NDC80: variants seen among roughly 807,000 people sequenced by gnomAD.
The protein encoded by NDC80 is kinetochore protein NDC80 homolog.
A neutral mutation model predicts 89.3 loss-of-function variants in NDC80; 69 were observed. The observed-to-expected ratio is 0.77, with a 90% confidence interval of 0.64 to 0.94. The LOEUF is 0.94. NDC80 is among the 40% of genes least tolerant of loss of function. NDC80 has a pLI of 0.00. For missense variants in NDC80, 593 were observed against 739.6 expected (o/e 0.80, Z 2.30); for synonymous variants, 243 against 255.6 (o/e 0.95, Z 0.47).
intron 11 of NDC80, among the ~76,000 whole-genome samples, chr18:2,596,481 A>G (rs1218293671): frequency 6.6e-6 from 1 of 151,032 alleles, no homozygotes; most frequent in Non-Finnish European, 1.5e-5. Flanking sequence ...ATGAGATACC[A>G]TCTCACACCA....
At chr18:2,584,274 T>G (rs2072592959) in intron 6 of NDC80, among the ~76,000 whole-genome samples, 1 of 141,486 alleles carries the variant, frequency 7.1e-6, no homozygotes, top group Non-Finnish European at 1.5e-5. Context: ...GGTGACAAAG[T>G]GAGACTCCGT....
In NDC80 at chr18:2,585,186, G is replaced by A. The variant is rs929888096; in HGVS notation, c.653G>A (p.Gly218Glu). 17 of 1,611,444 alleles carry A rather than the reference G, an allele frequency of 1.1e-5. No individual in the cohort carries two copies. The highest frequency in any genetic ancestry group is 1.7e-5 in the Admixed American group (1 of 59,996). ...CCTTGGGGAGAAGAAACTGAAGATG[G>A]AATTATGCATAATAAGGTACCATGT... Reference protein sequence around the residue: ...GQPWGEETEDGIMHNKLFLDY... With the variant: ...GQPWGEETEDEIMHNKLFLDY... Residue 218 changes from glycine to glutamate, a missense_variant, in exon 7 of 17, where the codon GGA (glycine) becomes GAA (glutamate). Gly to Glu is a moderately conservative substitution (Grantham distance 98). Transcript: ENST00000261597.
intron 16 of NDC80, among the ~76,000 whole-genome samples, chr18:2,613,981 GA>G (rs2072758367): frequency 6.6e-6 from 1 of 152,096 alleles, no homozygotes. Context: ...TTTCACAAAA[GA>G]ACCAAGGTGG....
chr18:2,606,255 G>C (rs1018674344), intron 13 of NDC80, among the ~76,000 whole-genome samples, 160 bp from the exon 14 acceptor site: 5 of 151,892 alleles, frequency 3.3e-5, no homozygotes, highest in African/African-American at 1.2e-4. Flanking sequence ...TCTCTTTGGA[G>C]AATAATAAAG....
chr18:2,576,631 G>A (rs2072547519), intron 3 of NDC80, among the ~76,000 whole-genome samples: 1 of 152,158 alleles, frequency 6.6e-6, no homozygotes, highest in African/African-American at 2.4e-5. Flanking sequence ...GGTTGTCTAG[G>A]CTGCAGGTTG....
intron 12 of NDC80, 132 bp downstream of exon 12, chr18:2,599,303 C>A: frequency 2.9e-6 from 2 of 683,938 alleles, no homozygotes; most frequent in Admixed American, 3.9e-5. Flanking sequence ...CTTCTTTCTT[C>A]TCGGTCATAG....
In NDC80 at chr18:2,580,731, A is replaced by ATTTTTTTTTTTTTTTTTTTT. The variant is rs71365186; in HGVS notation, c.579+1712_579+1731dup. ...ACTACTTTTTTGGTCTCACCATCAG[A>ATTTTTTTTTTTTTTTTTTTT]TTTTTTTTTTTTTTTTTTTTTTTTT... On this transcript the variant is annotated intron_variant, in intron 6 of 16. Coordinates refer to ENST00000261597, the MANE Select transcript of NDC80 (RefSeq NM_006101.3). Among the ~76,000 whole-genome samples the ATTTTTTTTTTTTTTTTTTTT allele has an allele frequency of 9.6e-4, 53 of 55,452 alleles. 18 individuals are homozygous for ATTTTTTTTTTTTTTTTTTTT. Among genetic ancestry groups the ATTTTTTTTTTTTTTTTTTTT allele is most frequent in the Admixed American group, 3.1e-3 (8 of 2,622 alleles). The allele number at this position is 55,452 out of a possible 152,430, so 36.4% of individuals were successfully genotyped here. A position where few individuals can be genotyped will look rare whatever the true frequency, so the allele number is the denominator to read the frequency against.
chr18:2,580,482 A>G (rs982554753), intron 6 of NDC80, among the ~76,000 whole-genome samples: 1 of 152,014 alleles, frequency 6.6e-6, no homozygotes, highest in Non-Finnish European at 1.5e-5. Context: ...TTCCCCTGAC[A>G]TTGTCTTGGC....
intron 13 of NDC80, among the ~76,000 whole-genome samples, chr18:2,604,935 T>C (rs1335027487): frequency 1.3e-5 from 2 of 152,102 alleles, no homozygotes; most frequent in Non-Finnish European, 2.9e-5. Flanking sequence ...GACGAGACCA[T>C]GCAATTAAGA....
rs76369853 is a variant in NDC80 at position 2,583,990 on chromosome 18, T to C, written c.580-1123T>C. 3.4e-3 allele frequency among the ~76,000 whole-genome samples: 512 copies of C among 152,234 alleles called. 3 individuals are homozygous for C. Among genetic ancestry groups the C allele is most frequent in the African/African-American group, 0.012 (488 of 41,528 alleles). ...AGTGTTCATTATACTATTAGATACC[T>C]ATTGATATCTTGGCCAGGTGCAGTG... On this transcript the variant is annotated intron_variant, in intron 6 of 16. Coordinates refer to ENST00000261597, the MANE Select transcript of NDC80 (RefSeq NM_006101.3).
chr18:2,590,178 G>T lies in NDC80; in HGVS notation c.1015+16G>T. ...GCTAGAGTAGGTAAGCAGAGCTAAT[G>T]CTAAAAGACTGGGATGCGAACCTGT... On this transcript the variant is annotated intron_variant, in intron 10 of 16. Coordinates refer to ENST00000261597, the MANE Select transcript of NDC80 (RefSeq NM_006101.3). The T allele has an allele frequency of 6.4e-7, 1 of 1,557,196 alleles. No individual in the cohort carries two copies. Among genetic ancestry groups the T allele is most frequent in the South Asian group, 1.2e-5 (1 of 81,236 alleles).
At chr18:2,574,836 A>G (rs962398321) in intron 2 of NDC80, among the ~76,000 whole-genome samples, 153 bp from the exon 3 acceptor site, 1 of 152,246 alleles carries the variant, frequency 6.6e-6, no homozygotes, top group Non-Finnish European at 1.5e-5. Flanking sequence ...CATCCTATTT[A>G]TAACAGCTTT....
At chr18:2,592,934 T>C (rs2072634507) in intron 10 of NDC80, among the ~76,000 whole-genome samples, 1 of 151,046 alleles carries the variant, frequency 6.6e-6, no homozygotes, top group Non-Finnish European at 1.5e-5. Context: ...AAAACACTAT[T>C]GGTAAACAGA....
At chr18:2,594,453 G>C (rs537228188) in intron 10 of NDC80, 251 of 161,786 alleles carry the variant, frequency 1.6e-3, no homozygotes, top group Non-Finnish European at 2.1e-4. Context: ...CAAAATTTTG[G>C]CCATTGTTTC....
At chr18:2,601,722 C>CT (rs1488373199) in intron 13 of NDC80, among the ~76,000 whole-genome samples, 1 of 151,840 alleles carries the variant, frequency 6.6e-6, no homozygotes, top group African/African-American at 2.4e-5. Context: ...GTAAATTTTC[C>CT]TTTTTTTAAT....
chr18:2,574,389 A>G (rs2072534970), intron 2 of NDC80, among the ~76,000 whole-genome samples: 1 of 152,164 alleles, frequency 6.6e-6, no homozygotes, highest in Non-Finnish European at 1.5e-5. Flanking sequence ...CAAAGAAATG[A>G]TAAATGTTTG....
At chr18:2,588,946 G>A (rs2072614282) in intron 8 of NDC80, among the ~76,000 whole-genome samples, 3 of 152,108 alleles carry the variant, frequency 2.0e-5, no homozygotes, top group Admixed American at 6.6e-5. Flanking sequence ...TAGACAGAAA[G>A]AGGAAAATAA....
chr18:2,614,431 G>C (rs1242510643), intron 16 of NDC80: 1 of 194,256 alleles, frequency 5.1e-6, no homozygotes, highest in Non-Finnish European at 1.0e-5. Context: ...GCAAGATGCT[G>C]TCTCAAAAAA....
At chr18:2,587,392 A>T (rs1017240343) in intron 7 of NDC80, among the ~76,000 whole-genome samples, 9 of 152,186 alleles carry the variant, frequency 5.9e-5, no homozygotes, top group Non-Finnish European at 8.8e-5. Context: ...CATTAATTAC[A>T]TTTGGGTTTT....
Sources: gnomAD v4.1 joint callset for allele counts (sites outside exome capture counted in the v4.1 genomes callset) on GRCh38, gnomAD v4.1.1 for gene constraint, MANE v1.5 for transcripts, NCBI Gene and HGNC (gene_info 2026-07-23, HGNC 2026-07-21) for gene names.